TRABD2B: variants seen among roughly 807,000 people sequenced by gnomAD.
The protein encoded by TRABD2B is metalloprotease TIKI2.
In TRABD2B, 14 loss-of-function variants were observed where a neutral mutation model predicts 40.1. That is an observed-to-expected ratio of 0.35 (90% CI 0.23 to 0.55). TRABD2B has a LOEUF of 0.55. Among genes scored for constraint, TRABD2B ranks in the 20% least tolerant of loss-of-function variants. The pLI is 0.90. For missense variants in TRABD2B, 541 were observed against 648.6 expected (o/e 0.83, Z 1.80); for synonymous variants, 263 against 277.0 (o/e 0.95, Z 0.50).
At chr1:47,923,626 T>C (rs537887800) in intron 2 of TRABD2B, among the ~76,000 whole-genome samples, 1 of 152,350 alleles carries the variant, frequency 6.6e-6, no homozygotes, top group South Asian at 2.1e-4. Flanking sequence ...GATGTTTCTG[T>C]GAAGATATCT....
intron 2 of TRABD2B, among the ~76,000 whole-genome samples, chr1:47,892,829 T>C (rs879859197): frequency 3.3e-5 from 5 of 152,220 alleles, no homozygotes; most frequent in Admixed American, 2.6e-4. Context: ...AGGTTGACCA[T>C]GTGGCTCTGG....
At chr1:47,983,505 C>T (rs1222017563) in intron 2 of TRABD2B, among the ~76,000 whole-genome samples, 1 of 152,082 alleles carries the variant, frequency 6.6e-6, no homozygotes. Context: ...AAATGACAGT[C>T]AAGGTCAAGC....
intron 2 of TRABD2B, among the ~76,000 whole-genome samples, chr1:47,895,109 C>T (rs969797720): frequency 6.6e-6 from 1 of 152,144 alleles, no homozygotes; most frequent in Non-Finnish European, 1.5e-5. Context: ...TGCCTCACCC[C>T]AAGGATATAG....
chr1:47,974,550 C>T (rs1414396017), intron 2 of TRABD2B, among the ~76,000 whole-genome samples: 1 of 152,156 alleles, frequency 6.6e-6, no homozygotes, highest in Non-Finnish European at 1.5e-5. Context: ...TAATTCATTG[C>T]TAAATCCTCA....
intron 2 of TRABD2B, among the ~76,000 whole-genome samples, chr1:47,921,208 A>C (rs1283347694): frequency 6.6e-6 from 1 of 152,174 alleles, no homozygotes; most frequent in Non-Finnish European, 1.5e-5. Context: ...CTTAGGAATG[A>C]CAGGTCACGG....
At chr1:47,831,515 C>T (rs1645249409) in intron 2 of TRABD2B, among the ~76,000 whole-genome samples, 1 of 152,142 alleles carries the variant, frequency 6.6e-6, no homozygotes, top group South Asian at 2.1e-4. Flanking sequence ...TGCAGCCTCA[C>T]AGGGTGTGTG....
At position 47,883,096 on chromosome 1, in the gene TRABD2B, T is replaced by G. The variant is rs185780264; in HGVS notation, c.667-81477A>C. 1.4e-3 allele frequency among the ~76,000 whole-genome samples: 216 copies of G among 152,324 alleles called. 2 individuals are homozygous for G. Among genetic ancestry groups the G allele is most frequent in the African/African-American group, 4.8e-3 (200 of 41,566 alleles). Reference sequence around the variant, plus strand: ...TCACTTTTCAAGACACACTGTCAAGTGCCTGATTTGTCTTATCTTACCCAC... The same window carrying G: ...TCACTTTTCAAGACACACTGTCAAGGGCCTGATTTGTCTTATCTTACCCAC... On this transcript the variant is annotated intron_variant, in intron 2 of 6. Coordinates refer to ENST00000606738, the MANE Select transcript of TRABD2B (RefSeq NM_001194986.2).
At chr1:47,839,987 G>C (rs1382054135) in intron 2 of TRABD2B, among the ~76,000 whole-genome samples, 3 of 152,116 alleles carry the variant, frequency 2.0e-5, no homozygotes, top group Non-Finnish European at 4.4e-5. Context: ...GGGTAGTGTG[G>C]ACATCTCCCC....
At chr1:47,970,973 G>A (rs1284219846) in intron 2 of TRABD2B, among the ~76,000 whole-genome samples, 1 of 152,238 alleles carries the variant, frequency 6.6e-6, no homozygotes, top group African/African-American at 2.4e-5. Context: ...GAAAGCCAAA[G>A]CAAGTGACAT....
chr1:47,937,732 T>TTA (rs1342714290), intron 2 of TRABD2B, among the ~76,000 whole-genome samples: 2 of 152,156 alleles, frequency 1.3e-5, no homozygotes, highest in African/African-American at 4.8e-5. Context: ...CACCCAATGT[T>TTA]TAAGTGAAGG....
intron 2 of TRABD2B, among the ~76,000 whole-genome samples, chr1:47,887,147 C>A (rs961922759): frequency 2.0e-5 from 3 of 152,258 alleles, no homozygotes; most frequent in Admixed American, 6.5e-5. Context: ...CATTTCTGAG[C>A]AGGCCAAACA....
In TRABD2B at chr1:47,877,227, G is replaced by A. The variant is rs138850165; in HGVS notation, c.667-75608C>T. On this transcript the variant is annotated intron_variant, in intron 2 of 6. Coordinates refer to ENST00000606738, the MANE Select transcript of TRABD2B (RefSeq NM_001194986.2). ...GGGGCTGGGGGGTGGGCAGGTGAATGTTTCAAGCACAGCAAACAGCCTGTT... is the reference window on the plus strand; with the variant it reads ...GGGGCTGGGGGGTGGGCAGGTGAATATTTCAAGCACAGCAAACAGCCTGTT... 9.9e-4 allele frequency among the ~76,000 whole-genome samples: 150 copies of A among 152,056 alleles called. 2 individuals are homozygous for A. Among genetic ancestry groups the A allele is most frequent in the African/African-American group, 3.5e-3 (145 of 41,462 alleles).
Position 47,996,295 on chromosome 1 carries a change from T to C in TRABD2B, c.102+393A>G, listed in dbSNP as rs1190090118. Among the ~76,000 whole-genome samples, 1 of 151,362 alleles carries C rather than the reference T, an allele frequency of 6.6e-6. No individual in the cohort carries two copies. On this transcript the variant is annotated intron_variant, in intron 1 of 6. Transcript: ENST00000606738. The surrounding 1 kb of genome is among the most constrained non-coding windows in gnomAD (Gnocchi z 4.6). ...TGAATGGGAGAGCAAAAGGGTTCGA[T>C]GGAAGTCAAGAGAAGGGCAAGGAAC...
chr1:47,842,064 G>T lies in TRABD2B; in HGVS notation c.667-40445C>A, dbSNP rs114509644. On this transcript the variant is annotated intron_variant, in intron 2 of 6. Coordinates refer to ENST00000606738, the MANE Select transcript of TRABD2B (RefSeq NM_001194986.2). ...TGGGATTACAGGCATGAACCACTGC[G>T]CCTGGCCGAAACCAACCTTCTCCTT... Among the ~76,000 whole-genome samples, 674 of 152,196 alleles carry T rather than the reference G, an allele frequency of 4.4e-3. 7 individuals are homozygous for T. Among genetic ancestry groups the T allele is most frequent in the African/African-American group, 0.016 (662 of 41,528 alleles).
At chr1:47,859,583 T>G (rs1039226790) in intron 2 of TRABD2B, among the ~76,000 whole-genome samples, 1 of 152,232 alleles carries the variant, frequency 6.6e-6, no homozygotes, top group East Asian at 1.9e-4. Flanking sequence ...ACCCTGGAGT[T>G]TGGGGAGGTT....
At chr1:47,979,503 G>C (rs1645809339) in intron 2 of TRABD2B, among the ~76,000 whole-genome samples, 1 of 152,194 alleles carries the variant, frequency 6.6e-6, no homozygotes, top group Non-Finnish European at 1.5e-5. Flanking sequence ...CACCCACCAA[G>C]GGGGCTGAGC....
intron 2 of TRABD2B, among the ~76,000 whole-genome samples, chr1:47,834,344 G>A (rs1008504231): frequency 1.3e-5 from 2 of 152,188 alleles, no homozygotes; most frequent in African/African-American, 4.8e-5. Context: ...GAAATAAGAT[G>A]TCCACATGGG....
chr1:47,879,030 G>A (rs56798252), intron 2 of TRABD2B, among the ~76,000 whole-genome samples: 2,498 of 151,536 alleles, frequency 0.016, 70 homozygotes, highest in African/African-American at 0.057. Flanking sequence ...ACCTGAGCCC[G>A]GGAGGTTGAG....
intron 6 of TRABD2B, among the ~76,000 whole-genome samples, chr1:47,769,094 C>T (rs1353815869): frequency 1.3e-5 from 2 of 152,222 alleles, no homozygotes; most frequent in Non-Finnish European, 2.9e-5. Context: ...GGCCTCAGCC[C>T]CTGGAGGGGA....
Sources: gnomAD v4.1 joint callset for allele counts (sites outside exome capture counted in the v4.1 genomes callset) on GRCh38, gnomAD v4.1.1 for gene constraint, Gnocchi (gnomAD v3.1) non-coding constraint, MANE v1.5 for transcripts, NCBI Gene and HGNC (gene_info 2026-07-23, HGNC 2026-07-21) for gene names.